Variants in ZMAT5 observed in about 807,000 individuals in gnomAD.
ZMAT5 encodes the protein zinc finger matrin-type 5.
A neutral mutation model predicts 28.0 loss-of-function variants in ZMAT5; 23 were observed. The ratio of observed to expected loss-of-function variants is 0.82; its 90% CI spans 0.59 to 1.16. The LOEUF is 1.16. Among genes scored for constraint, ZMAT5 ranks in the 50% most tolerant of loss-of-function variants. The probability of loss-of-function intolerance (pLI) is 0.00; values close to 1 mark genes in which losing one functional copy is unlikely to be tolerated. For missense variants in ZMAT5, 173 were observed against 212.7 expected (o/e 0.81, Z 1.16); for synonymous variants, 76 against 84.1 (o/e 0.90, Z 0.52).
intron 1 of ZMAT5, among the ~76,000 whole-genome samples, chr22:29,759,955 C>T (rs1372004712): frequency 6.6e-6 from 1 of 152,052 alleles, no homozygotes; most frequent in Non-Finnish European, 1.5e-5. Flanking sequence ...AATCCTGGCA[C>T]TTTGGGAGGC....
intron 2 of ZMAT5, among the ~76,000 whole-genome samples, chr22:29,744,945 C>T (rs867760154): frequency 2.0e-5 from 3 of 152,206 alleles, no homozygotes; most frequent in African/African-American, 7.2e-5. Flanking sequence ...TCCTATTGGT[C>T]CTTCTTGCTT....
chr22:29,733,608 G>A (rs554138145), intron 5 of ZMAT5, among the ~76,000 whole-genome samples: 3 of 152,334 alleles, frequency 2.0e-5, no homozygotes, highest in South Asian at 2.1e-4. Flanking sequence ...CAGAGAAGGC[G>A]GGGAGGCTCC....
intron 4 of ZMAT5, 143 bp downstream of exon 4, chr22:29,740,507 G>C (rs1026063173): frequency 1.3e-6 from 1 of 796,284 alleles, no homozygotes; most frequent in African/African-American, 1.7e-5. Context: ...CCAAACCGGG[G>C]GCTCAGGGCT....
Position 29,738,459 on chromosome 22 carries a change from CAA to C in ZMAT5, c.272-20_272-19del, listed in dbSNP as rs1327677577. 14 of 1,603,518 alleles carry C rather than the reference CAA, an allele frequency of 8.7e-6. No homozygotes were observed. In the East Asian group the frequency reaches 2.7e-4, roughly 31 times the overall value. ...CCTCTCCTCTGTGGGGACAGGGAGA[CAA>C]AGGCAAGTGAGGGGTACACTCCTGC... On this transcript the variant is annotated intron_variant, in intron 4 of 5. Transcript: ENST00000344318.
intron 1 of ZMAT5, among the ~76,000 whole-genome samples, chr22:29,752,039 G>A (rs941114924): frequency 6.6e-6 from 1 of 152,052 alleles, no homozygotes; most frequent in Admixed American, 6.5e-5. Flanking sequence ...CTACACCCTA[G>A]GACCATGCTA....
At chr22:29,748,292 C>T (rs773788176) in intron 2 of ZMAT5, 126 bp downstream of exon 2, 1 of 1,424,680 alleles carries the variant, frequency 7.0e-7, no homozygotes, top group Non-Finnish European at 9.8e-7. Flanking sequence ...GTGGCTCAGG[C>T]CTCCCTCTCT....
chr22:29,732,778 C>T lies in ZMAT5; in HGVS notation c.384-1424G>A, dbSNP rs1185734767. Among the ~76,000 whole-genome samples, 8 of 150,508 alleles carry T rather than the reference C, an allele frequency of 5.3e-5. No homozygotes were observed. In the East Asian group the frequency reaches 1.6e-3, roughly 30 times the overall value. ...AAAAAAAAAAGTACACATGCACATC[C>T]ACATCCACAGCAGAGAGTGCCATGC... On this transcript the variant is annotated intron_variant, in intron 5 of 5. Coordinates refer to ENST00000344318, the MANE Select transcript of ZMAT5 (RefSeq NM_001003692.2).
At chr22:29,755,830 G>A (rs981081555) in intron 1 of ZMAT5, among the ~76,000 whole-genome samples, 2 of 152,230 alleles carry the variant, frequency 1.3e-5, no homozygotes, top group Non-Finnish European at 2.9e-5. Flanking sequence ...CTCCTGTGGA[G>A]TCTTCACCAT....
chr22:29,759,831 C>T (rs2068138721), intron 1 of ZMAT5, among the ~76,000 whole-genome samples: 1 of 151,772 alleles, frequency 6.6e-6, no homozygotes, highest in Admixed American at 6.6e-5. Context: ...CTTTGGGAGG[C>T]TAGGCGGGCA....
chr22:29,752,884 G>A (rs777992966), intron 1 of ZMAT5, among the ~76,000 whole-genome samples: 12 of 152,172 alleles, frequency 7.9e-5, no homozygotes, highest in Non-Finnish European at 1.8e-4. Flanking sequence ...CATGTGCAGT[G>A]TCAGGCCAGG....
At chr22:29,736,754 G>T (rs1170384958) in intron 5 of ZMAT5, among the ~76,000 whole-genome samples, 1 of 151,106 alleles carries the variant, frequency 6.6e-6, no homozygotes, top group Non-Finnish European at 1.5e-5. Context: ...GCTGGGCGCG[G>T]TGGCTGACAC....
intron 5 of ZMAT5, among the ~76,000 whole-genome samples, chr22:29,736,031 C>A (rs902534151): frequency 1.3e-5 from 2 of 152,144 alleles, no homozygotes; most frequent in African/African-American, 4.8e-5. Context: ...CGGAGGACAC[C>A]ATGGACCCAG....
At chr22:29,742,354 C>T in intron 3 of ZMAT5, 64 bp downstream of exon 3, 1 of 1,549,968 alleles carries the variant, frequency 6.5e-7, no homozygotes, top group Admixed American at 1.7e-5. Flanking sequence ...CTGCAGAGGT[C>T]CAAGTGGGGC....
intron 5 of ZMAT5, 177 bp from the exon 6 acceptor site, chr22:29,731,531 T>C (rs2067844225): frequency 2.7e-6 from 2 of 732,580 alleles, no homozygotes; most frequent in East Asian, 6.8e-5. Flanking sequence ...ACCTCACCTC[T>C]AGGAACTGAG....
At chr22:29,754,380 C>T (rs909116705) in intron 1 of ZMAT5, among the ~76,000 whole-genome samples, 10 of 152,250 alleles carry the variant, frequency 6.6e-5, no homozygotes, top group African/African-American at 2.4e-4. Flanking sequence ...GGTGAGAGTG[C>T]TGGCTTCTCT....
At chr22:29,743,456 G>C (rs1044368373) in intron 2 of ZMAT5, among the ~76,000 whole-genome samples, 5 of 152,098 alleles carry the variant, frequency 3.3e-5, no homozygotes, top group African/African-American at 1.2e-4. Flanking sequence ...TTTGAGACAA[G>C]TTCTCACTCT....
intron 1 of ZMAT5, among the ~76,000 whole-genome samples, chr22:29,750,581 G>A (rs577518771): frequency 6.6e-6 from 1 of 152,278 alleles, no homozygotes; most frequent in Non-Finnish European, 1.5e-5. Context: ...GGACAGACAG[G>A]TCCACTTTGG....
chr22:29,737,187 G>C (rs1012601266), intron 5 of ZMAT5, among the ~76,000 whole-genome samples: 56 of 152,012 alleles, frequency 3.7e-4, no homozygotes, highest in African/African-American at 1.2e-3. Flanking sequence ...AAATCAGCCA[G>C]GTATGATGGT....
intron 1 of ZMAT5, among the ~76,000 whole-genome samples, chr22:29,758,003 A>C (rs978189196): frequency 6.6e-6 from 1 of 151,614 alleles, no homozygotes; most frequent in African/African-American, 2.4e-5. Context: ...CAAGAGAATG[A>C]GACTCCATCT....
Sources: gnomAD v4.1 joint callset for allele counts (sites outside exome capture counted in the v4.1 genomes callset) on GRCh38, gnomAD v4.1.1 for gene constraint, MANE v1.5 for transcripts, NCBI Gene and HGNC (gene_info 2026-07-23, HGNC 2026-07-21) for gene names.